The following ATG10 variants were observed in gnomAD, a reference collection of about 807,000 sequenced individuals.
ATG10 encodes ubiquitin-like-conjugating enzyme ATG10.
ATG10 carries 30 observed loss-of-function variants against 32.1 expected under a neutral mutation model. That is an observed-to-expected ratio of 0.94 (90% CI 0.70 to 1.27). The LOEUF is 1.27. Among genes scored for constraint, ATG10 ranks in the 50% most tolerant of loss-of-function variants. ATG10 has a pLI of 0.00. For missense variants in ATG10, 233 were observed against 262.3 expected (o/e 0.89, Z 0.77); for synonymous variants, 87 against 91.5 (o/e 0.95, Z 0.28).
At chr5:82,077,431 ATG>A (rs1305916487) in intron 3 of ATG10, among the ~76,000 whole-genome samples, 2 of 152,254 alleles carry the variant, frequency 1.3e-5, no homozygotes, top group Non-Finnish European at 2.9e-5. Context: ...TCATGAATAA[ATG>A]AGAGAAACTA....
At chr5:82,101,651 T>C (rs1461886953) in intron 3 of ATG10, among the ~76,000 whole-genome samples, 1 of 152,216 alleles carries the variant, frequency 6.6e-6, no homozygotes, top group Non-Finnish European at 1.5e-5. Flanking sequence ...AATTTCCTAA[T>C]AGTTTCATCT....
chr5:82,192,764 CT>C (rs1371027975), intron 5 of ATG10, among the ~76,000 whole-genome samples: 2 of 152,126 alleles, frequency 1.3e-5, no homozygotes, highest in Non-Finnish European at 2.9e-5. Context: ...AATTTCTATT[CT>C]ATATAAAATA....
intron 3 of ATG10, among the ~76,000 whole-genome samples, chr5:82,127,414 G>T (rs1420368309): frequency 6.6e-6 from 1 of 152,058 alleles, no homozygotes; most frequent in African/African-American, 2.4e-5. Flanking sequence ...CCTCCTGTGG[G>T]CATTTAGTGC....
chr5:82,185,146 C>G (rs1271168609), intron 5 of ATG10, among the ~76,000 whole-genome samples: 1 of 152,196 alleles, frequency 6.6e-6, no homozygotes, highest in Non-Finnish European at 1.5e-5. Flanking sequence ...TGGGAAATGG[C>G]TTTTCAAAAT....
chr5:82,149,117 T>C (rs1480805946), intron 3 of ATG10, among the ~76,000 whole-genome samples: 3 of 152,148 alleles, frequency 2.0e-5, no homozygotes, highest in Non-Finnish European at 4.4e-5. Context: ...GCAAATTGTG[T>C]GGCCAAGATC....
intron 3 of ATG10, among the ~76,000 whole-genome samples, chr5:82,137,278 G>A (rs187937135): frequency 7.9e-4 from 120 of 152,154 alleles, no homozygotes; most frequent in African/African-American, 2.6e-3. Flanking sequence ...TGATCCTTGA[G>A]AGGAGAAGAG....
intron 2 of ATG10, among the ~76,000 whole-genome samples, chr5:82,007,605 A>G (rs1273828485): frequency 2.6e-5 from 4 of 152,052 alleles, no homozygotes; most frequent in Non-Finnish European, 5.9e-5. Context: ...GGTGTATACC[A>G]CCACAGTTGG....
intron 5 of ATG10, among the ~76,000 whole-genome samples, chr5:82,242,265 CATAA>C (rs1180247064): frequency 6.6e-6 from 1 of 151,948 alleles, no homozygotes; most frequent in Non-Finnish European, 1.5e-5. Context: ...CTAAAAAGCA[CATAA>C]ATACAGTTAA....
At chr5:82,145,847 C>T (rs1387566167) in intron 3 of ATG10, among the ~76,000 whole-genome samples, 1 of 151,910 alleles carries the variant, frequency 6.6e-6, no homozygotes, top group African/African-American at 2.4e-5. Context: ...GCTGGGATTA[C>T]AGGCATGCAC....
At chr5:82,089,109 T>C (rs1412797089) in intron 3 of ATG10, among the ~76,000 whole-genome samples, 1 of 152,110 alleles carries the variant, frequency 6.6e-6, no homozygotes, top group Non-Finnish European at 1.5e-5. Flanking sequence ...CCCAGCACTT[T>C]GGGAGACTGA....
At chr5:82,071,758 C>T (rs536650801) in intron 3 of ATG10, among the ~76,000 whole-genome samples, 1 of 152,006 alleles carries the variant, frequency 6.6e-6, no homozygotes, top group Non-Finnish European at 1.5e-5. Context: ...AAATAGTCAG[C>T]GTTTTTAGCA....
At chr5:82,225,774 A>G (rs1010862349) in intron 5 of ATG10, among the ~76,000 whole-genome samples, 3 of 152,164 alleles carry the variant, frequency 2.0e-5, no homozygotes, top group East Asian at 3.9e-4. Flanking sequence ...GGTGGTCAAC[A>G]TTATAAATGC....
chr5:82,002,926 G>A (rs1761890346), intron 2 of ATG10, among the ~76,000 whole-genome samples: 1 of 152,040 alleles, frequency 6.6e-6, no homozygotes, highest in South Asian at 2.1e-4. Context: ...CTTGTACCCC[G>A]AACCTAAAAT....
intron 5 of ATG10, among the ~76,000 whole-genome samples, 197 bp downstream of exon 5, chr5:82,178,784 C>A (rs1410691959): frequency 6.6e-6 from 1 of 152,008 alleles, no homozygotes; most frequent in African/African-American, 2.4e-5. Flanking sequence ...ATTATAAGCT[C>A]TCAGAGTGCC....
At chr5:82,096,506 G>A (rs1230628604) in intron 3 of ATG10, among the ~76,000 whole-genome samples, 1 of 152,038 alleles carries the variant, frequency 6.6e-6, no homozygotes, top group Admixed American at 6.6e-5. Context: ...CTAGCCCTTG[G>A]CTTCACCTTC....
intron 2 of ATG10, among the ~76,000 whole-genome samples, chr5:82,036,576 A>G (rs1176959454): frequency 6.6e-6 from 1 of 152,168 alleles, no homozygotes; most frequent in Non-Finnish European, 1.5e-5. Context: ...CCTGGGTGAC[A>G]AGAGTCAGAC....
chr5:81,975,151 T>G (rs1270150632), intron 1 of ATG10, among the ~76,000 whole-genome samples: 1 of 152,208 alleles, frequency 6.6e-6, no homozygotes, highest in Admixed American at 6.5e-5. Flanking sequence ...TTACTAGTTC[T>G]TAATACATAG....
At chr5:82,167,629 G>C (rs965329560) in intron 4 of ATG10, among the ~76,000 whole-genome samples, 1 of 152,160 alleles carries the variant, frequency 6.6e-6, no homozygotes, top group African/African-American at 2.4e-5. Flanking sequence ...AGAGACTATA[G>C]GAGTAGTGGA....
At chr5:82,029,994 A>G (rs1047341556) in intron 2 of ATG10, among the ~76,000 whole-genome samples, 2 of 152,184 alleles carry the variant, frequency 1.3e-5, no homozygotes, top group Non-Finnish European at 2.9e-5. Flanking sequence ...CAACTCAGGC[A>G]GTTTGTCCTT....
Sources: allele counts gnomAD v4.1 joint callset (sites outside exome capture counted in the v4.1 genomes callset), GRCh38; gene constraint gnomAD v4.1.1; transcripts MANE v1.5; gene names NCBI Gene and HGNC (gene_info 2026-07-23, HGNC 2026-07-21).